The following IL7 variants were observed in gnomAD, a reference collection of about 807,000 sequenced individuals.
IL7 encodes interleukin-7.
Under a neutral mutation model 21.6 loss-of-function variants are expected in IL7, and 3 were observed. The ratio of observed to expected loss-of-function variants is 0.14; its 90% CI spans 0.06 to 0.36. The LOEUF is 0.36. Among genes scored for constraint, IL7 ranks in the 10% least tolerant of loss-of-function variants. The pLI, the probability that IL7 is intolerant of heterozygous loss-of-function variation, is 1.00. For missense variants in IL7, 175 were observed against 200.2 expected (o/e 0.87, Z 0.76); for synonymous variants, 62 against 68.1 (o/e 0.91, Z 0.44).
chr8:78,699,031 C>T (rs1257074111), intron 3 of IL7, among the ~76,000 whole-genome samples: 3 of 152,078 alleles, frequency 2.0e-5, no homozygotes, highest in Non-Finnish European at 4.4e-5. Flanking sequence ...TAAATAAAAT[C>T]ACCAAAATGT....
intron 3 of IL7, among the ~76,000 whole-genome samples, chr8:78,721,709 C>G (rs1006510238): frequency 6.6e-6 from 1 of 151,908 alleles, no homozygotes; most frequent in Non-Finnish European, 1.5e-5. Flanking sequence ...GATGAATGCC[C>G]TTATGTACTG....
At chr8:78,779,196 G>A (rs1813233938) in intron 2 of IL7, among the ~76,000 whole-genome samples, 1 of 151,574 alleles carries the variant, frequency 6.6e-6, no homozygotes, top group Non-Finnish European at 1.5e-5. Context: ...CAAACAGTTT[G>A]ACTTCCTGTC....
chr8:78,759,342 C>T (rs929909835), intron 2 of IL7, among the ~76,000 whole-genome samples: 1 of 150,940 alleles, frequency 6.6e-6, no homozygotes, highest in Admixed American at 6.6e-5. Flanking sequence ...AACCACAACA[C>T]TTATTTTGTA....
chr8:78,678,442 TTTGTA>T (rs1388111904), intron 4 of IL7: 1 of 701,084 alleles, frequency 1.4e-6, no homozygotes, highest in Non-Finnish European at 2.4e-6. Flanking sequence ...TATTTATTAT[TTTGTA>T]TTCAGGTTTT....
At chr8:78,770,534 T>G (rs1176985758) in intron 2 of IL7, among the ~76,000 whole-genome samples, 1 of 152,102 alleles carries the variant, frequency 6.6e-6, no homozygotes, top group Admixed American at 6.6e-5. Context: ...ATATCTCTCT[T>G]TTATTCTGAA....
chr8:78,804,940 C>G lies in IL7; in HGVS notation c.-18G>C. ...TGGAACATGGTCTGCGGGAGGCGGG[C>G]GTAGTCATGATGACCGCAACTGGAG... On this transcript the variant is annotated 5_prime_UTR_variant, in exon 1 of 6. Transcript: ENST00000263851. The G allele has an allele frequency of 6.2e-7, 1 of 1,611,164 alleles. No homozygotes were observed. Among genetic ancestry groups the G allele is most frequent in the Admixed American group, 1.7e-5 (1 of 59,798 alleles).
chr8:78,790,503 T>C (rs1813652059), intron 2 of IL7, among the ~76,000 whole-genome samples: 1 of 152,120 alleles, frequency 6.6e-6, no homozygotes, highest in East Asian at 1.9e-4. Context: ...CCATAAATTA[T>C]TAATTAAACA....
rs73687553 is a variant in IL7, at chr8:78,761,903, A to G, written c.148-21821T>C. 6,385 of 1,611,414 alleles carry G rather than the reference A, an allele frequency of 4.0e-3. 226 individuals are homozygous for G. The African/African-American group carries it at 0.077, about 19-fold the overall frequency. The stretch of plus-strand genomic sequence containing the variant: ...CAGAGGTATGTTTTGCCTTCCCATC[A>G]GAATCAAGATTTCAAGTAGATATTT... On this transcript the variant is annotated intron_variant, in intron 2 of 5. Coordinates refer to ENST00000263851, the MANE Select transcript of IL7 (RefSeq NM_000880.4).
chr8:78,748,302 ATCTT>A (rs1219550312), intron 2 of IL7, among the ~76,000 whole-genome samples: 23 of 152,242 alleles, frequency 1.5e-4, no homozygotes, highest in African/African-American at 5.1e-4. Flanking sequence ...ATATGGGTGA[ATCTT>A]TATGAGGCTA....
intron 2 of IL7, among the ~76,000 whole-genome samples, chr8:78,792,096 A>G (rs1310306929): frequency 6.6e-6 from 1 of 152,170 alleles, no homozygotes; most frequent in Non-Finnish European, 1.5e-5. Flanking sequence ...GGGATTATAT[A>G]TCAATGGATT....
chr8:78,681,525 A>T (rs577957157), intron 4 of IL7, among the ~76,000 whole-genome samples: 2 of 152,176 alleles, frequency 1.3e-5, no homozygotes, highest in African/African-American at 4.8e-5. Flanking sequence ...AGATAATGTC[A>T]TTCTTTTTGT....
chr8:78,744,932 C>G (rs376634864), intron 2 of IL7, among the ~76,000 whole-genome samples: 2 of 152,192 alleles, frequency 1.3e-5, no homozygotes, highest in South Asian at 4.1e-4. Flanking sequence ...GGGTGTCGTG[C>G]CCAGGTGGGC....
At chr8:78,716,634 G>C, downstream of IL7, among the ~76,000 whole-genome samples, 1 of 152,118 alleles carries the variant, frequency 6.6e-6, no homozygotes. Context: ...TTTAGAGATG[G>C]GTTTGCAGAA....
chr8:78,728,202 C>G (rs1811367618), downstream of IL7, among the ~76,000 whole-genome samples: 1 of 151,910 alleles, frequency 6.6e-6, no homozygotes, highest in South Asian at 2.1e-4. Context: ...CATTTCTTCC[C>G]CAGTTTAATC....
intron 3 of IL7, chr8:78,698,431 G>C (rs1301908806): frequency 1.2e-6 from 2 of 1,612,418 alleles, no homozygotes; most frequent in South Asian, 2.2e-5. Context: ...TTCAGGTAAA[G>C]TGTCTTCAAG....
intron 3 of IL7, 44 bp from the exon 4 acceptor site, chr8:78,738,679 A>C (rs1811677441): frequency 1.3e-6 from 2 of 1,575,826 alleles, no homozygotes; most frequent in Non-Finnish European, 1.7e-6. Flanking sequence ...CAAATAAAAT[A>C]TTAAGAAATT....
At chr8:78,689,034 C>CTT (rs5892662) in intron 3 of IL7, among the ~76,000 whole-genome samples, 68 of 146,196 alleles carry the variant, frequency 4.7e-4, no homozygotes, top group East Asian at 1.4e-3. Context: ...TACCAGCAGA[C>CTT]TTTTTTTTTT....
chr8:78,687,632 C>A (rs1425443639), intron 3 of IL7, among the ~76,000 whole-genome samples: 4 of 126,578 alleles, frequency 3.2e-5, no homozygotes, highest in African/African-American at 8.7e-5. Context: ...TTACGTAATA[C>A]ATTATATATA....
At chr8:78,735,607 C>T (rs1182580365) in intron 5 of IL7, among the ~76,000 whole-genome samples, 1 of 152,134 alleles carries the variant, frequency 6.6e-6, no homozygotes, top group African/African-American at 2.4e-5. Context: ...CGCACCCAAC[C>T]TTTCTTTTCT....
Sources: gnomAD v4.1 joint callset for allele counts (sites outside exome capture counted in the v4.1 genomes callset) on GRCh38, gnomAD v4.1.1 for gene constraint, MANE v1.5 for transcripts, NCBI Gene and HGNC (gene_info 2026-07-23, HGNC 2026-07-21) for gene names.